The following STAP1 variants were observed in gnomAD, a reference collection of about 807,000 sequenced individuals.
STAP1 encodes the protein signal transducing adaptor family member 1.
In STAP1, 30 loss-of-function variants were observed where a neutral mutation model predicts 37.8. The observed-to-expected ratio is 0.79, with a 90% CI of 0.59 to 1.08. STAP1 has a LOEUF of 1.08. Among genes scored for constraint, STAP1 ranks in the 50% least tolerant of loss-of-function variants. The probability of loss-of-function intolerance (pLI) is 0.00; values close to 1 mark genes in which losing one functional copy is unlikely to be tolerated. For missense variants in STAP1, 357 were observed against 349.4 expected (o/e 1.02, Z -0.17); for synonymous variants, 130 against 116.0 (o/e 1.12, Z -0.78).
intron 5 of STAP1, among the ~76,000 whole-genome samples, chr4:67,582,682 G>C (rs1269981057): frequency 6.6e-6 from 1 of 151,778 alleles, no homozygotes; most frequent in Non-Finnish European, 1.5e-5. Flanking sequence ...ACGATTTACA[G>C]GTGGTCTGTA....
intron 2 of STAP1, among the ~76,000 whole-genome samples, 165 bp downstream of exon 2, chr4:67,571,320 C>T (rs1255160792): frequency 3.3e-5 from 5 of 152,068 alleles, no homozygotes; most frequent in East Asian, 1.9e-4. Context: ...ATCACAGGAA[C>T]GATGGTAAAT....
chr4:67,573,529 T>G (rs1451854297), intron 2 of STAP1, among the ~76,000 whole-genome samples: 1 of 152,216 alleles, frequency 6.6e-6, no homozygotes, highest in Non-Finnish European at 1.5e-5. Flanking sequence ...CTGAGCTTGA[T>G]CTAGACAATC....
At chr4:67,562,489 G>T (rs1272678234) in intron 1 of STAP1, among the ~76,000 whole-genome samples, 6 of 151,974 alleles carry the variant, frequency 3.9e-5, no homozygotes, top group African/African-American at 1.5e-4. Flanking sequence ...AATTCAGCCG[G>T]GCGTGGTGGC....
intron 8 of STAP1, among the ~76,000 whole-genome samples, chr4:67,604,382 TA>T (rs1259570196): frequency 6.6e-6 from 1 of 152,196 alleles, no homozygotes; most frequent in Non-Finnish European, 1.5e-5. Flanking sequence ...CTTTCTAGTG[TA>T]GACAGTTGTT....
At chr4:67,565,965 A>G (rs1357742176) in intron 1 of STAP1, among the ~76,000 whole-genome samples, 1 of 68,248 alleles carries the variant, frequency 1.5e-5, no homozygotes, top group Non-Finnish European at 2.6e-5. Context: ...TTTTTTTTTT[A>G]CGAGACAGAG....
chr4:67,581,017 T>C (rs569562744), intron 4 of STAP1, among the ~76,000 whole-genome samples: 2 of 152,320 alleles, frequency 1.3e-5, no homozygotes, highest in African/African-American at 4.8e-5. Context: ...TGTTGTTACT[T>C]GAATTAGCTT....
intron 2 of STAP1, among the ~76,000 whole-genome samples, chr4:67,574,926 C>T (rs1727685616): frequency 6.6e-6 from 1 of 152,056 alleles, no homozygotes; most frequent in Non-Finnish European, 1.5e-5. Context: ...AACAGTATGA[C>T]CTCACGGAGC....
At chr4:67,577,411 T>G in intron 4 of STAP1, 152 bp downstream of exon 4, 1 of 533,222 alleles carries the variant, frequency 1.9e-6, no homozygotes, top group Non-Finnish European at 3.2e-6. Flanking sequence ...AACATTATAT[T>G]TTCATCAGGT....
intron 8 of STAP1, among the ~76,000 whole-genome samples, chr4:67,604,184 G>A (rs1308001399): frequency 2.0e-5 from 3 of 152,234 alleles, no homozygotes; most frequent in African/African-American, 7.2e-5. Flanking sequence ...CACAGTCACT[G>A]TCTACTTCTT....
At chr4:67,578,287 G>T (rs1045681812) in intron 4 of STAP1, among the ~76,000 whole-genome samples, 2 of 152,096 alleles carry the variant, frequency 1.3e-5, no homozygotes, top group African/African-American at 4.8e-5. Flanking sequence ...TAATTTAAAA[G>T]GATATAAAAA....
intron 7 of STAP1, among the ~76,000 whole-genome samples, chr4:67,592,609 A>G: frequency 6.6e-6 from 1 of 152,148 alleles, no homozygotes; most frequent in East Asian, 1.9e-4. Flanking sequence ...AGGAAACTGG[A>G]TCCTTCTTTG....
At position 67,583,620 on chromosome 4, in the gene STAP1, A is replaced by C; in HGVS notation, c.577A>C (p.Lys193Gln). 1.9e-6 allele frequency: 3 copies of C among 1,614,070 alleles called. No homozygotes were observed. The highest frequency in any genetic ancestry group is 2.5e-6 in the Non-Finnish European group (3 of 1,179,956). The change falls in exon 6 of 9, where the codon AAG becomes CAG. Residue 193 changes from lysine (K) to glutamine (Q), a missense_variant. Lys to Gln is a moderately conservative substitution (Grantham distance 53). Transcript: ENST00000265404. ...SRKEATEMLQ[K>Q]NPSLGNMILR... is the part of the protein sequence containing the mutation. ...GAAAGAGGCAACTGAGATGCTCCAG[A>C]AGAACCCTTCTTTGGGAAATATGAT...
At chr4:67,564,356 A>G (rs1727418678) in intron 1 of STAP1, among the ~76,000 whole-genome samples, 1 of 152,052 alleles carries the variant, frequency 6.6e-6, no homozygotes, top group Admixed American at 6.6e-5. Flanking sequence ...ATTTTTCCCT[A>G]TTTAACTTTA....
chr4:67,592,126 A>T (rs1728131508), intron 7 of STAP1, among the ~76,000 whole-genome samples: 1 of 148,376 alleles, frequency 6.7e-6, no homozygotes, highest in African/African-American at 2.5e-5. Context: ...TATTTTTGTG[A>T]TTTTTTTTTT....
At chr4:67,559,878 T>C (rs956952735) in intron 1 of STAP1, among the ~76,000 whole-genome samples, 2 of 152,180 alleles carry the variant, frequency 1.3e-5, no homozygotes, top group Non-Finnish European at 2.9e-5. Context: ...TTCTTACATA[T>C]ATAATCAGAT....
chr4:67,562,948 A>G (rs546607375), intron 1 of STAP1, among the ~76,000 whole-genome samples: 36 of 152,280 alleles, frequency 2.4e-4, no homozygotes, highest in African/African-American at 8.4e-4. Flanking sequence ...ACACCTTTGG[A>G]ATTTATGCAT....
At chr4:67,588,645 G>A (rs1281785429) in intron 6 of STAP1, among the ~76,000 whole-genome samples, 1 of 151,992 alleles carries the variant, frequency 6.6e-6, no homozygotes, top group Admixed American at 6.6e-5. Context: ...TCCTGACCTC[G>A]TGATCTGCCT....
intron 6 of STAP1, among the ~76,000 whole-genome samples, chr4:67,588,138 T>A (rs1436402342): frequency 6.6e-6 from 1 of 151,968 alleles, no homozygotes; most frequent in African/African-American, 2.4e-5. Context: ...CTTGTTTTTT[T>A]CATCTCTTTT....
intron 1 of STAP1, 33 bp downstream of exon 1, chr4:67,558,962 A>G (rs995796914): frequency 2.6e-6 from 4 of 1,527,066 alleles, no homozygotes; most frequent in Non-Finnish European, 3.5e-6. Flanking sequence ...TAAACCTAAG[A>G]CTTCTGTTTT....
Sources: allele counts gnomAD v4.1 joint callset (sites outside exome capture counted in the v4.1 genomes callset), GRCh38; gene constraint gnomAD v4.1.1; transcripts MANE v1.5; gene names NCBI Gene and HGNC (gene_info 2026-07-23, HGNC 2026-07-21).